Variants in TENM2 observed in about 807,000 individuals in gnomAD.
TENM2 encodes teneurin transmembrane protein 2.
Under a neutral mutation model 245.2 loss-of-function variants are expected in TENM2, and 52 were observed. That is an observed-to-expected ratio of 0.21 (90% CI 0.17 to 0.27). TENM2 has a LOEUF of 0.27. TENM2 is among the 10% of genes least tolerant of loss of function. TENM2 has a pLI of 1.00. For synonymous variants in TENM2, 1,363 were observed against 1,438.9 expected, an observed-to-expected ratio of 0.95 and a Z score of 1.19; for missense variants, 3,046 against 3,666.8, an observed-to-expected ratio of 0.83 and a Z score of 4.37.
intron 19 of TENM2, among the ~76,000 whole-genome samples, chr5:168,210,256 T>C (rs1562284580): frequency 6.6e-6 from 1 of 152,180 alleles, no homozygotes; most frequent in Non-Finnish European, 1.5e-5. Context: ...ATTCAGGCTC[T>C]ACACTCTCCA....
intron 5 of TENM2, among the ~76,000 whole-genome samples, chr5:168,022,933 A>G (rs976625749): frequency 3.3e-5 from 5 of 152,014 alleles, no homozygotes; most frequent in Non-Finnish European, 5.9e-5. Context: ...CGCCTGCGCT[A>G]TCTAGGCAAG....
chr5:167,234,826 A>T, the TENM2 span, among the ~76,000 whole-genome samples: 1 of 152,176 alleles, frequency 6.6e-6, no homozygotes, highest in Non-Finnish European at 1.5e-5. Flanking sequence ...GGTGAAAATG[A>T]CATATCCCCC....
chr5:168,109,501 C>T (rs1233648037), intron 9 of TENM2, among the ~76,000 whole-genome samples: 2 of 152,220 alleles, frequency 1.3e-5, no homozygotes, highest in Non-Finnish European at 2.9e-5. Context: ...GAACTATGTT[C>T]TTACCCACTG....
intron 2 of TENM2, among the ~76,000 whole-genome samples, chr5:167,667,528 T>C (rs182410397): frequency 2.0e-5 from 3 of 152,294 alleles, no homozygotes; most frequent in Admixed American, 6.5e-5. Flanking sequence ...AGACAAACCA[T>C]AGGTCATCCT....
chr5:167,133,630 A>AC, the TENM2 span, among the ~76,000 whole-genome samples: 26 of 151,498 alleles, frequency 1.7e-4, no homozygotes, highest in African/African-American at 6.0e-4. Context: ...AAAAAAAAAA[A>AC]AAAAGCAAAA....
the TENM2 span, among the ~76,000 whole-genome samples, chr5:167,253,470 C>T: frequency 1.3e-5 from 2 of 151,846 alleles, no homozygotes; most frequent in Non-Finnish European, 2.9e-5. Flanking sequence ...AAAAAGTGAC[C>T]TCTCAAAGTT....
chr5:167,524,971 GCTT>G (rs1771010683), intron 2 of TENM2, among the ~76,000 whole-genome samples: 1 of 151,970 alleles, frequency 6.6e-6, no homozygotes, highest in Non-Finnish European at 1.5e-5. Context: ...ACTCTTGCAA[GCTT>G]CTTATGGGAA....
intron 9 of TENM2, among the ~76,000 whole-genome samples, chr5:168,116,694 G>A (rs1411741627): frequency 6.6e-6 from 1 of 152,084 alleles, no homozygotes; most frequent in African/African-American, 2.4e-5. Flanking sequence ...TATATCTTTG[G>A]GAAATTAGAC....
At chr5:166,984,361 G>A in the TENM2 span, among the ~76,000 whole-genome samples, 2 of 152,010 alleles carry the variant, frequency 1.3e-5, no homozygotes, top group Admixed American at 6.6e-5. Context: ...GACACATCCT[G>A]GAGGATTCTC....
intron 1 of TENM2, among the ~76,000 whole-genome samples, chr5:167,335,346 A>G (rs967556755): frequency 6.6e-6 from 1 of 152,136 alleles, no homozygotes; most frequent in African/African-American, 2.4e-5. Context: ...CGCCCCCATG[A>G]TTTATTTAAT....
At chr5:168,085,104 T>C (rs1403466797) in intron 7 of TENM2, among the ~76,000 whole-genome samples, 2 of 152,188 alleles carry the variant, frequency 1.3e-5, no homozygotes, top group Non-Finnish European at 2.9e-5. Flanking sequence ...TTAACTTCTC[T>C]AGAAACCACT....
chr5:167,814,663 A>G lies in TENM2; in HGVS notation c.503-61323A>G, dbSNP rs191102526. 2.0e-5 allele frequency among the ~76,000 whole-genome samples: 3 copies of G among 150,882 alleles called. No individual in the cohort carries two copies. The East Asian group carries it at 5.8e-4, about 29-fold the overall frequency. Reference sequence around the variant, plus strand: ...AGTTTTAATATTTATTTATTGTAATATATTTTAGGAAATATATATTACATA... The same window carrying G: ...AGTTTTAATATTTATTTATTGTAATGTATTTTAGGAAATATATATTACATA... On this transcript the variant is annotated intron_variant, in intron 2 of 28. Coordinates refer to ENST00000518659, the Ensembl canonical transcript of TENM2.
At chr5:167,375,871 CT>C (rs1760719711) in intron 2 of TENM2, among the ~76,000 whole-genome samples, 1 of 152,134 alleles carries the variant, frequency 6.6e-6, no homozygotes, top group African/African-American at 2.4e-5. Context: ...GTGACGATCT[CT>C]TAAGAATCCC....
intron 4 of TENM2, chr5:167,965,296 G>A (rs1381821226): frequency 6.6e-6 from 1 of 152,218 alleles, no homozygotes. Flanking sequence ...AGAGAATTGA[G>A]TGCAGTTATT....
intron 2 of TENM2, among the ~76,000 whole-genome samples, chr5:167,689,297 G>C (rs1467752976): frequency 6.6e-6 from 1 of 152,144 alleles, no homozygotes; most frequent in African/African-American, 2.4e-5. Flanking sequence ...GACGCTGGGG[G>C]GTCCTGGAGC....
In TENM2 at chr5:167,303,807, A is replaced by G. The variant is rs1001020457; in HGVS notation, c.226+18744A>G. On this transcript the variant is annotated intron_variant, in intron 1 of 28. Transcript: ENST00000518659. The stretch of plus-strand genomic sequence containing the variant: ...ACGGGGGAAATAGGCCAGGTTGTCA[A>G]CTATGCGTCATGGTGGGGACTGTTC... Among the ~76,000 whole-genome samples, 3 of 152,172 alleles carry G rather than the reference A, an allele frequency of 2.0e-5. No individual in the cohort carries two copies. The East Asian group carries it at 5.8e-4, about 29-fold the overall frequency.
At chr5:167,873,873 G>A (rs1158499703) in intron 2 of TENM2, among the ~76,000 whole-genome samples, 1 of 152,094 alleles carries the variant, frequency 6.6e-6, no homozygotes, top group African/African-American at 2.4e-5. Flanking sequence ...TTATCAACTG[G>A]TCAATTTCAG....
At chr5:167,786,790 C>T (rs149886179) in intron 2 of TENM2, among the ~76,000 whole-genome samples, 6 of 152,284 alleles carry the variant, frequency 3.9e-5, no homozygotes, top group African/African-American at 1.4e-4. Context: ...TTTAACTTAG[C>T]ACATAGGGGT....
the TENM2 span, among the ~76,000 whole-genome samples, chr5:167,075,779 A>G: frequency 2.0e-5 from 3 of 152,174 alleles, no homozygotes; most frequent in African/African-American, 7.2e-5. Context: ...TTTTAGAAGA[A>G]CTTCCTCCTG....
Sources: gnomAD v4.1 joint callset for allele counts (sites outside exome capture counted in the v4.1 genomes callset) on GRCh38, gnomAD v4.1.1 for gene constraint, MANE v1.5 for transcripts, NCBI Gene and HGNC (gene_info 2026-07-23, HGNC 2026-07-21) for gene names.